The following KIF6 variants were observed in gnomAD, a reference collection of about 807,000 sequenced individuals.
The protein encoded by KIF6 is kinesin family member 6, also known as kinesin-like protein KIF6.
KIF6 carries 106 observed loss-of-function variants against 112.7 expected under a neutral mutation model. The observed-to-expected ratio is 0.94, with a 90% confidence interval of 0.80 to 1.11. KIF6 has a LOEUF of 1.11. Ranked by LOEUF, KIF6 falls within the 50% of genes least tolerant of loss-of-function variation. The probability of loss-of-function intolerance (pLI) is 0.00; values close to 1 mark genes in which losing one functional copy is unlikely to be tolerated. For missense variants in KIF6, 929 were observed against 964.0 expected (o/e 0.96, Z 0.48); for synonymous variants, 339 against 339.9 (o/e 1.00, Z 0.03).
intron 9 of KIF6, among the ~76,000 whole-genome samples, chr6:39,581,701 G>C (rs1203316428): frequency 6.6e-6 from 1 of 151,744 alleles, no homozygotes; most frequent in African/African-American, 2.4e-5. Context: ...TTTTATGTTG[G>C]GGAAAAGAGA....
intron 13 of KIF6, among the ~76,000 whole-genome samples, chr6:39,536,900 G>A (rs1304646704): frequency 1.3e-5 from 2 of 152,126 alleles, no homozygotes; most frequent in Non-Finnish European, 2.9e-5. Context: ...GGGATGCAAG[G>A]CTGGTTCAAT....
In KIF6 at chr6:39,346,130, T is replaced by TCCCCCC. The variant is rs1308753864; in HGVS notation, c.2232-342_2232-341insGGGGGG. ...CCCTCCCTCTCCCTCTCCCTCCCTC[T>TCCCCCC]CCCTCTCTCTCTCTCTCTCTCTCTC... is the stretch of plus-strand genomic sequence containing the variant. On this transcript the variant is annotated intron_variant, in intron 20 of 22. Coordinates refer to ENST00000287152, the MANE Select transcript of KIF6 (RefSeq NM_145027.6). Among the ~76,000 whole-genome samples, 17 of 79,042 alleles carry TCCCCCC rather than the reference T, an allele frequency of 2.2e-4. 1 individual carries two copies. The highest frequency in any genetic ancestry group is 1.3e-3 in the African/African-American group (17 of 13,580). The allele number at this position is 79,042 out of a possible 152,430, so 51.9% of individuals were successfully genotyped here. A position where few individuals can be genotyped will look rare whatever the true frequency, so the allele number is the denominator to read the frequency against.
chr6:39,672,654 G>T (rs1786892881), intron 3 of KIF6, among the ~76,000 whole-genome samples: 1 of 152,138 alleles, frequency 6.6e-6, no homozygotes, highest in Non-Finnish European at 1.5e-5. Flanking sequence ...GCTTGACAGG[G>T]TTTGGTTTCT....
chr6:39,341,330 T>C (rs570849719), intron 22 of KIF6, among the ~76,000 whole-genome samples: 1 of 147,050 alleles, frequency 6.8e-6, no homozygotes, highest in South Asian at 2.1e-4. Context: ...GAGCTTGTGC[T>C]TCTCCAGCTT....
At chr6:39,565,257 A>G (rs910576088) in intron 10 of KIF6, among the ~76,000 whole-genome samples, 2 of 152,184 alleles carry the variant, frequency 1.3e-5, no homozygotes, top group African/African-American at 2.4e-5. Flanking sequence ...CTCATTTTGT[A>G]TATGATCATT....
At chr6:39,494,791 C>CA (rs1293144992) in intron 13 of KIF6, among the ~76,000 whole-genome samples, 3 of 150,508 alleles carry the variant, frequency 2.0e-5, no homozygotes, top group African/African-American at 7.3e-5. Context: ...GTCCTTATGA[C>CA]AAGTTTTTTT....
chr6:39,346,126 C>CTCTCTCTCT (rs1562113307), intron 20 of KIF6, among the ~76,000 whole-genome samples: 4 of 23,846 alleles, frequency 1.7e-4, no homozygotes, highest in Non-Finnish European at 2.5e-4. Flanking sequence ...CCTCTCCCTC[C>CTCTCTCTCT]CTCTCCCTCT....
chr6:39,583,231 A>G (rs972355737), intron 9 of KIF6: 1 of 246,904 alleles, frequency 4.1e-6, no homozygotes, highest in Non-Finnish European at 8.6e-6. Flanking sequence ...TCTTGGGGCT[A>G]ATAACTTTGT....
chr6:39,599,605 G>A (rs769868041), intron 6 of KIF6, among the ~76,000 whole-genome samples: 4 of 152,272 alleles, frequency 2.6e-5, no homozygotes, highest in African/African-American at 9.6e-5. Context: ...ATGTAAAACC[G>A]CAAACTCAAA....
intron 13 of KIF6, among the ~76,000 whole-genome samples, chr6:39,515,221 T>C (rs1055144162): frequency 2.0e-5 from 3 of 152,244 alleles, no homozygotes; most frequent in African/African-American, 7.2e-5. Context: ...TTCACATTTT[T>C]ATCAAACCTG....
chr6:39,627,275 C>T (rs1488362614), intron 5 of KIF6, among the ~76,000 whole-genome samples: 1 of 152,208 alleles, frequency 6.6e-6, no homozygotes, highest in Non-Finnish European at 1.5e-5. Context: ...CCCTATGAAT[C>T]TTTGCCTGAT....
chr6:39,484,414 C>A (rs918505389), intron 13 of KIF6, among the ~76,000 whole-genome samples: 2 of 151,962 alleles, frequency 1.3e-5, no homozygotes, highest in African/African-American at 4.8e-5. Context: ...GCGACACAAG[C>A]AAAAGTGCTA....
intron 19 of KIF6, among the ~76,000 whole-genome samples, chr6:39,349,509 G>A (rs1764051422): frequency 6.6e-6 from 1 of 152,006 alleles, no homozygotes; most frequent in Admixed American, 6.5e-5. Context: ...AGTGGAGGGA[G>A]GGATGGGAGA....
intron 3 of KIF6, among the ~76,000 whole-genome samples, chr6:39,707,485 G>A (rs975174891): frequency 3.9e-5 from 6 of 152,156 alleles, no homozygotes; most frequent in African/African-American, 1.4e-4. Flanking sequence ...AAGTGTCCCC[G>A]CTCTGTGCAG....
chr6:39,374,967 C>A (rs1734710449), intron 16 of KIF6, among the ~76,000 whole-genome samples: 1 of 152,144 alleles, frequency 6.6e-6, no homozygotes, highest in African/African-American at 2.4e-5. Context: ...ATTGAATCAA[C>A]CCATCAACAG....
chr6:39,593,337 CTCTT>C (rs997830859), intron 7 of KIF6, among the ~76,000 whole-genome samples: 1 of 152,144 alleles, frequency 6.6e-6, no homozygotes, highest in African/African-American at 2.4e-5. Context: ...TCTTCCCACT[CTCTT>C]TATTATTCTT....
At chr6:39,345,491 T>G (rs1763627858) in intron 21 of KIF6, among the ~76,000 whole-genome samples, 1 of 152,198 alleles carries the variant, frequency 6.6e-6, no homozygotes, top group Non-Finnish European at 1.5e-5. Flanking sequence ...CACAGGGCCC[T>G]GGTGACTGTG....
At chr6:39,531,031 A>C (rs558064808) in intron 13 of KIF6, among the ~76,000 whole-genome samples, 38 of 152,216 alleles carry the variant, frequency 2.5e-4, no homozygotes, top group Middle Eastern at 3.4e-3. Flanking sequence ...CCAAAAAAAA[A>C]CACATCAATC....
intron 15 of KIF6, among the ~76,000 whole-genome samples, chr6:39,409,460 A>T (rs865818144): frequency 2.0e-5 from 3 of 152,130 alleles, no homozygotes; most frequent in Admixed American, 6.5e-5. Context: ...TGCTTTTTCA[A>T]TGTTGCCCAG....
Sources: gnomAD v4.1 joint callset for allele counts (sites outside exome capture counted in the v4.1 genomes callset) on GRCh38, gnomAD v4.1.1 for gene constraint, MANE v1.5 for transcripts, NCBI Gene and HGNC (gene_info 2026-07-23, HGNC 2026-07-21) for gene names.